EYS: variants seen among roughly 807,000 people sequenced by gnomAD.
The protein encoded by EYS is protein eyes shut homolog.
In EYS, 250 loss-of-function variants were observed where a neutral mutation model predicts 282.1. The observed-to-expected ratio is 0.89, with a 90% CI of 0.80 to 0.98. The LOEUF is 0.98. Ranked by LOEUF, EYS falls within the 50% of genes least tolerant of loss-of-function variation. EYS has a pLI of 0.00. For missense variants in EYS, 4,016 were observed against 3,709.0 expected (o/e 1.08, Z -2.15); for synonymous variants, 1,355 against 1,282.9 (o/e 1.06, Z -1.20).
intron 22 of EYS, among the ~76,000 whole-genome samples, chr6:64,757,783 TGTGTTTTG>T (rs1454784260): frequency 4.0e-5 from 6 of 149,208 alleles, no homozygotes; most frequent in African/African-American, 1.0e-4. Context: ...TGTGTGTGTG[TGTGTTTTG>T]TTTGTTTGTT....
In EYS at chr6:64,931,005, C is replaced by T. The variant is rs971976035; in HGVS notation, c.2381+14788G>A. On this transcript the variant is annotated intron_variant, in intron 15 of 42. Coordinates refer to ENST00000503581, the MANE Select transcript of EYS (RefSeq NM_001142800.2). ...GCCAGGAATAGCAGAAGGCAGGTTG[C>T]AGTCAGCATTCAAATTACATCGCTA... Among the ~76,000 whole-genome samples, 8 of 152,280 alleles carry T rather than the reference C, an allele frequency of 5.3e-5. No homozygotes were observed. The East Asian group carries it at 1.4e-3, about 26-fold the overall frequency.
At chr6:64,401,538 T>C (rs947113102) in intron 28 of EYS, among the ~76,000 whole-genome samples, 1 of 152,084 alleles carries the variant, frequency 6.6e-6, no homozygotes, top group African/African-American at 2.4e-5. Context: ...TTTTTATTGA[T>C]ACATGATACT....
At chr6:64,531,667 G>A (rs1265946743) in intron 26 of EYS, among the ~76,000 whole-genome samples, 12 of 150,482 alleles carry the variant, frequency 8.0e-5, no homozygotes, top group Admixed American at 6.7e-5. Flanking sequence ...TCCTGATCTC[G>A]TGATCCACCC....
intron 12 of EYS, among the ~76,000 whole-genome samples, chr6:65,233,959 G>C (rs1215257391): frequency 6.6e-6 from 1 of 152,092 alleles, no homozygotes; most frequent in Non-Finnish European, 1.5e-5. Flanking sequence ...CAGAAGCCCT[G>C]AGTTGACTGT....
At chr6:63,811,409 G>T (rs1290628717) in intron 36 of EYS, among the ~76,000 whole-genome samples, 1 of 152,122 alleles carries the variant, frequency 6.6e-6, no homozygotes, top group African/African-American at 2.4e-5. Flanking sequence ...CAACTGACAA[G>T]GTTGATTATT....
At chr6:64,021,867 C>T (rs750032806) in intron 33 of EYS, among the ~76,000 whole-genome samples, 3 of 152,148 alleles carry the variant, frequency 2.0e-5, no homozygotes, top group Admixed American at 6.5e-5. Flanking sequence ...ACATACTATA[C>T]ATATTCTTTG....
chr6:65,628,745 A>T (rs1290683835), intron 2 of EYS, among the ~76,000 whole-genome samples: 1 of 152,108 alleles, frequency 6.6e-6, no homozygotes, highest in Admixed American at 6.5e-5. Context: ...CTCCGAACAC[A>T]TCTGAACATC....
intron 1 of EYS, among the ~76,000 whole-genome samples, chr6:65,684,231 T>C (rs1458536759): frequency 6.6e-6 from 1 of 152,024 alleles, no homozygotes; most frequent in Admixed American, 6.6e-5. Context: ...TACAGAAGGG[T>C]GCGAGACACA....
chr6:65,217,460 G>A (rs746942078), intron 12 of EYS, among the ~76,000 whole-genome samples: 3 of 151,948 alleles, frequency 2.0e-5, no homozygotes, highest in African/African-American at 7.2e-5. Flanking sequence ...AGATGGCCTA[G>A]CATTCTAAAA....
intron 36 of EYS, among the ~76,000 whole-genome samples, chr6:63,816,808 C>G (rs1412928858): frequency 2.0e-5 from 3 of 152,200 alleles, no homozygotes; most frequent in Non-Finnish European, 4.4e-5. Context: ...ACGTAATACC[C>G]AATAAATGTT....
intron 35 of EYS, among the ~76,000 whole-genome samples, chr6:63,963,019 A>G (rs1199191181): frequency 6.6e-6 from 1 of 151,882 alleles, no homozygotes; most frequent in Non-Finnish European, 1.5e-5. Flanking sequence ...GCAAAAAACC[A>G]AACACCGCAT....
At chr6:64,882,539 A>G (rs1290601918) in intron 19 of EYS, among the ~76,000 whole-genome samples, 1 of 151,716 alleles carries the variant, frequency 6.6e-6, no homozygotes, top group Admixed American at 6.6e-5. Context: ...TCGTTGACAA[A>G]AAAAAATGAT....
intron 33 of EYS, among the ~76,000 whole-genome samples, chr6:64,021,316 T>C (rs1769180974): frequency 6.6e-6 from 1 of 152,036 alleles, no homozygotes; most frequent in Admixed American, 6.6e-5. Flanking sequence ...GCAGTAGTGC[T>C]AGACTGGGGG....
At chr6:64,537,568 T>G (rs1474131521) in intron 26 of EYS, among the ~76,000 whole-genome samples, 2 of 152,184 alleles carry the variant, frequency 1.3e-5, no homozygotes, top group East Asian at 1.9e-4. Context: ...CTCTCAAAAT[T>G]TATCGCCCTA....
chr6:64,323,358 C>A (rs144151634), intron 29 of EYS, among the ~76,000 whole-genome samples: 1 of 152,074 alleles, frequency 6.6e-6, no homozygotes, highest in Non-Finnish European at 1.5e-5. Context: ...CAGTATTTCA[C>A]CCCTTTTAAT....
At chr6:65,687,172 A>G (rs1439675431) in intron 1 of EYS, among the ~76,000 whole-genome samples, 1 of 152,078 alleles carries the variant, frequency 6.6e-6, no homozygotes, top group Non-Finnish European at 1.5e-5. Flanking sequence ...TTAAAGCATA[A>G]AAAATGCAAC....
At chr6:64,435,972 A>G (rs1259461559) in intron 28 of EYS, among the ~76,000 whole-genome samples, 1 of 151,968 alleles carries the variant, frequency 6.6e-6, no homozygotes, top group Non-Finnish European at 1.5e-5. Context: ...ATGTGAGTTC[A>G]TTGATAATGT....
At chr6:65,608,707 T>C (rs1236873479) in intron 2 of EYS, among the ~76,000 whole-genome samples, 1 of 152,056 alleles carries the variant, frequency 6.6e-6, no homozygotes, top group Non-Finnish European at 1.5e-5. Flanking sequence ...ATAGAAGCTT[T>C]TTCCTTTATA....
At chr6:65,053,050 A>G (rs1017973728) in intron 13 of EYS, among the ~76,000 whole-genome samples, 1 of 151,810 alleles carries the variant, frequency 6.6e-6, no homozygotes, top group Non-Finnish European at 1.5e-5. Context: ...TAACATGCAT[A>G]AAAACACTGC....
Sources: allele counts gnomAD v4.1 joint callset (sites outside exome capture counted in the v4.1 genomes callset), GRCh38; gene constraint gnomAD v4.1.1; transcripts MANE v1.5; gene names NCBI Gene and HGNC (gene_info 2026-07-23, HGNC 2026-07-21).